Variants in RIT2 observed in about 807,000 individuals in gnomAD.
The protein encoded by RIT2 is Ras like without CAAX 2.
In RIT2, 24 loss-of-function variants were observed where a neutral mutation model predicts 23.7. That is an observed-to-expected ratio of 1.01 (90% confidence interval 0.73 to 1.43). The LOEUF (loss-of-function observed/expected upper bound fraction) is 1.43, where lower values mean the gene tolerates loss of function less well. Ranked by LOEUF, RIT2 falls within the 40% of genes most tolerant of loss-of-function variation. RIT2 has a pLI of 0.00. For synonymous variants in RIT2, 107 were observed against 91.1 expected (o/e 1.17, Z -0.99); for missense variants, 236 against 266.9 (o/e 0.88, Z 0.81).
At chr18:42,896,217 T>A (rs1462613794) in intron 4 of RIT2, among the ~76,000 whole-genome samples, 1 of 152,206 alleles carries the variant, frequency 6.6e-6, no homozygotes, top group Non-Finnish European at 1.5e-5. Context: ...TGAGCTGAGA[T>A]CGTGCCATTG....
intron 4 of RIT2, among the ~76,000 whole-genome samples, chr18:42,843,203 T>C (rs1422494621): frequency 2.0e-5 from 3 of 152,174 alleles, no homozygotes; most frequent in Non-Finnish European, 2.9e-5. Flanking sequence ...AAAATGGCTA[T>C]AGTGATTCCA....
At chr18:42,963,854 C>G (rs890850218) in intron 3 of RIT2, among the ~76,000 whole-genome samples, 1 of 152,124 alleles carries the variant, frequency 6.6e-6, no homozygotes, top group Non-Finnish European at 1.5e-5. Flanking sequence ...TGATATTGCA[C>G]CACTGCACTC....
At chr18:42,869,011 C>A (rs1907546885) in intron 4 of RIT2, among the ~76,000 whole-genome samples, 1 of 152,162 alleles carries the variant, frequency 6.6e-6, no homozygotes, top group South Asian at 2.1e-4. Context: ...GTGAATTCTG[C>A]CCCAGATGGA....
chr18:42,994,738 A>T (rs575703093), intron 2 of RIT2, among the ~76,000 whole-genome samples: 36 of 152,160 alleles, frequency 2.4e-4, no homozygotes, highest in Non-Finnish European at 4.3e-4. Flanking sequence ...GTCTCCACGC[A>T]GCGGCTGCTG....
chr18:42,997,852 T>C (rs1911021675), intron 2 of RIT2, among the ~76,000 whole-genome samples: 1 of 151,784 alleles, frequency 6.6e-6, no homozygotes, highest in Admixed American at 6.6e-5. Context: ...AGATGAGGAG[T>C]AGGTGTCAAC....
Position 42,806,099 on chromosome 18 carries a change from TAA to T in RIT2, c.427-62381_427-62380del, listed in dbSNP as rs1491111555. Reference sequence around the variant, plus strand: ...ATCAAAAGTGGAGATTTAATAAAATTAATATATATATATATATATATATATAT... The same window carrying T: ...ATCAAAAGTGGAGATTTAATAAAATTTATATATATATATATATATATATAT... On this transcript the variant is annotated intron_variant, in intron 4 of 4. Transcript: ENST00000326695. Among the ~76,000 whole-genome samples the T allele has an allele frequency of 1.0e-4, 5 of 48,406 alleles. No individual in the cohort carries two copies. In the East Asian group the frequency reaches 2.1e-3, roughly 20 times the overall value. 31.8% of individuals were successfully genotyped at this position (48,406 alleles called of 152,430 possible).
At chr18:43,073,594 A>G (rs1413293266) in intron 1 of RIT2, among the ~76,000 whole-genome samples, 6 of 152,200 alleles carry the variant, frequency 3.9e-5, no homozygotes, top group Non-Finnish European at 7.3e-5. Context: ...CTTTAAATTA[A>G]AACATTACCT....
chr18:42,875,927 T>C (rs939473245), intron 4 of RIT2, among the ~76,000 whole-genome samples: 5 of 152,030 alleles, frequency 3.3e-5, no homozygotes, highest in Non-Finnish European at 7.4e-5. Flanking sequence ...TAACCTTAGA[T>C]AATGTCATTT....
intron 3 of RIT2, among the ~76,000 whole-genome samples, chr18:42,925,758 T>C (rs1403577437): frequency 1.3e-5 from 2 of 151,742 alleles, no homozygotes; most frequent in Non-Finnish European, 3.0e-5. Context: ...CTACTGTCTG[T>C]GTACATACAA....
chr18:42,958,608 T>A (rs1384853743), intron 3 of RIT2, among the ~76,000 whole-genome samples: 1 of 152,274 alleles, frequency 6.6e-6, no homozygotes, highest in Middle Eastern at 3.4e-3. Context: ...AAAAGAATGA[T>A]AAAATATAAT....
intron 1 of RIT2, among the ~76,000 whole-genome samples, chr18:43,070,277 G>A (rs1912868381): frequency 6.6e-6 from 1 of 152,060 alleles, no homozygotes. Context: ...ATTTCACCAG[G>A]ACCTGAAAGC....
intron 4 of RIT2, among the ~76,000 whole-genome samples, chr18:42,859,488 C>A (rs1035790455): frequency 6.6e-6 from 1 of 152,168 alleles, no homozygotes; most frequent in Non-Finnish European, 1.5e-5. Context: ...CCAATATTTT[C>A]TTTCATTGTG....
intron 3 of RIT2, among the ~76,000 whole-genome samples, chr18:42,952,311 G>A (rs1257378721): frequency 6.6e-6 from 1 of 152,134 alleles, no homozygotes; most frequent in Non-Finnish European, 1.5e-5. Context: ...TACCACTTAT[G>A]TGAGGAATCT....
chr18:42,874,969 T>A (rs1347091811), intron 4 of RIT2, among the ~76,000 whole-genome samples: 1 of 152,136 alleles, frequency 6.6e-6, no homozygotes, highest in African/African-American at 2.4e-5. Flanking sequence ...ACAGGCAGCA[T>A]GTGGTTTAAA....
intron 1 of RIT2, among the ~76,000 whole-genome samples, chr18:43,086,983 T>C (rs186592095): frequency 1.1e-3 from 172 of 152,246 alleles, no homozygotes; most frequent in African/African-American, 3.9e-3. Context: ...GGCATGGTGG[T>C]TCATACCTGT....
chr18:43,062,286 G>A (rs1912666421), intron 1 of RIT2, among the ~76,000 whole-genome samples: 1 of 152,096 alleles, frequency 6.6e-6, no homozygotes, highest in African/African-American at 2.4e-5. Flanking sequence ...AAAATTGAGA[G>A]TAAATGTCTA....
chr18:43,011,334 C>T (rs934431792), intron 2 of RIT2, among the ~76,000 whole-genome samples: 1 of 151,712 alleles, frequency 6.6e-6, no homozygotes, highest in Non-Finnish European at 1.5e-5. Context: ...AAGGGGCCAG[C>T]TGTGTTACTC....
intron 4 of RIT2, among the ~76,000 whole-genome samples, chr18:42,780,047 GTTTTTTTTT>G (rs71175923): frequency 3.4e-5 from 2 of 59,596 alleles, no homozygotes; most frequent in Admixed American, 3.0e-4. Flanking sequence ...CAATTTAGAG[GTTTTTTTTT>G]TTTTTTTTTT....
At chr18:42,955,599 A>T (rs964740558) in intron 3 of RIT2, among the ~76,000 whole-genome samples, 7 of 152,228 alleles carry the variant, frequency 4.6e-5, no homozygotes, top group African/African-American at 1.7e-4. Flanking sequence ...CTAAGATCTT[A>T]TTCTCTGGTT....
Sources: gnomAD v4.1 joint callset for allele counts (sites outside exome capture counted in the v4.1 genomes callset) on GRCh38, gnomAD v4.1.1 for gene constraint, MANE v1.5 for transcripts, NCBI Gene and HGNC (gene_info 2026-07-23, HGNC 2026-07-21) for gene names.